Variants in PRICKLE2 observed in about 807,000 individuals in gnomAD.
PRICKLE2 encodes prickle-like protein 2.
A neutral mutation model predicts 81.4 loss-of-function variants in PRICKLE2; 21 were observed. That is an observed-to-expected ratio of 0.26 (90% CI 0.18 to 0.37). The LOEUF is 0.37. Ranked by LOEUF, PRICKLE2 falls within the 10% of genes least tolerant of loss-of-function variation. The pLI is 1.00. For missense variants in PRICKLE2, 940 were observed against 1,109.0 expected, an observed-to-expected ratio of 0.85 and a Z score of 2.16; for synonymous variants, 456 against 421.5, an observed-to-expected ratio of 1.08 and a Z score of -1.00.
chr3:64,163,459 G>A (rs1473718713), intron 2 of PRICKLE2: 8 of 382,592 alleles, frequency 2.1e-5, no homozygotes, highest in African/African-American at 1.7e-4. Flanking sequence ...CTGAGAGCTG[G>A]CTTTACCATT....
chr3:64,135,803 CTT>C (rs1373268174), intron 7 of PRICKLE2, among the ~76,000 whole-genome samples: 2 of 152,090 alleles, frequency 1.3e-5, no homozygotes, highest in African/African-American at 4.8e-5. Context: ...GAGAGTGAAA[CTT>C]ATTGGTGGAA....
At chr3:64,137,507 C>T (rs145620860) in intron 7 of PRICKLE2, among the ~76,000 whole-genome samples, 69 of 152,194 alleles carry the variant, frequency 4.5e-4, no homozygotes, top group East Asian at 2.7e-3. Flanking sequence ...ACTGCTCACG[C>T]CCAAGGAGGT....
rs1295084746 is a variant in PRICKLE2 at position 64,157,024 on chromosome 3, T to G, written c.600+138A>C. On this transcript the variant is annotated intron_variant, in intron 5 of 7. Coordinates refer to ENST00000638394, the MANE Select transcript of PRICKLE2 (RefSeq NM_198859.4). The stretch of plus-strand genomic sequence containing the variant: ...TCTAGAAACCAGGGATGGGTGGGGC[T>G]TCTCTCCCAAAAGGGTTAATGCAAG... 9 of 803,328 alleles carry G rather than the reference T, an allele frequency of 1.1e-5. No homozygotes were observed. The East Asian group carries it at 2.3e-4, about 21-fold the overall frequency. 49.8% of individuals were successfully genotyped at this position (803,328 alleles called of 1,614,324 possible).
chr3:64,212,160 G>A (rs1330209639), intron 1 of PRICKLE2, among the ~76,000 whole-genome samples: 1 of 152,172 alleles, frequency 6.6e-6, no homozygotes, highest in Admixed American at 6.5e-5. Flanking sequence ...CTGTATCCCT[G>A]TGCAAGGCTG....
chr3:64,249,855 AAT>A (rs1211480956), intron 2 of PRICKLE2, among the ~76,000 whole-genome samples: 1 of 152,156 alleles, frequency 6.6e-6, no homozygotes, highest in Admixed American at 6.5e-5. Flanking sequence ...CCTTGCACAC[AAT>A]ATGTTTTTTA....
Position 64,175,765 on chromosome 3 carries a change from CAT to C in PRICKLE2, c.145-12638_145-12637del, listed in dbSNP as rs1221522671. 1.1e-4 allele frequency among the ~76,000 whole-genome samples: 16 copies of C among 152,156 alleles called. 1 individual carries two copies. The highest frequency in any genetic ancestry group is 8.3e-4 in the South Asian group (4 of 4,820). On this transcript the variant is annotated intron_variant, in intron 2 of 7. Transcript: ENST00000638394. ...CAATATAAAATGTAATAAAAATAAACATATTTTAAAATAAAGTGACAAAAGAA... is the reference window on the plus strand; with the variant it reads ...CAATATAAAATGTAATAAAAATAAACATTTTAAAATAAAGTGACAAAAGAA...
intron 7 of PRICKLE2, among the ~76,000 whole-genome samples, chr3:64,112,639 A>C (rs2076868077): frequency 6.6e-6 from 1 of 152,188 alleles, no homozygotes; most frequent in South Asian, 2.1e-4. Flanking sequence ...TTGGGCTCTC[A>C]AAAAAAGTTA....
In PRICKLE2 at chr3:64,092,436, T is replaced by C. The variant is rs2076521468; in HGVS notation, c.*6615A>G. The C allele has an allele frequency of 6.6e-6, 1 of 152,240 alleles. No homozygotes were observed. The highest frequency in any genetic ancestry group is 2.4e-5 in the African/African-American group (1 of 41,468). The allele number at this position is 152,240 out of a possible 1,614,324, so 9.4% of individuals were successfully genotyped here. ...GGATTTTTGTTTGTTTTGCACATTA[T>C]TGTATTCCAAGCACCTAGAACGGTT... On this transcript the variant is annotated 3_prime_UTR_variant, in exon 8 of 8. Coordinates refer to ENST00000638394, the MANE Select transcript of PRICKLE2 (RefSeq NM_198859.4).
At chr3:64,226,278 C>T (rs574827085), upstream of PRICKLE2, among the ~76,000 whole-genome samples, 2 of 152,128 alleles carry the variant, frequency 1.3e-5, no homozygotes, top group African/African-American at 2.4e-5. Flanking sequence ...TTGTTGAATA[C>T]CTTTGGGGTC....
intron 5 of PRICKLE2, among the ~76,000 whole-genome samples, chr3:64,155,247 G>T (rs1190092214): frequency 1.4e-5 from 2 of 139,732 alleles, no homozygotes; most frequent in South Asian, 2.4e-4. Context: ...CTCTGAAAAA[G>T]AAGATACACA....
At chr3:64,262,974 T>C (rs1277773028) in intron 2 of PRICKLE2, among the ~76,000 whole-genome samples, 1 of 152,132 alleles carries the variant, frequency 6.6e-6, no homozygotes, top group East Asian at 1.9e-4. Context: ...GAGGTGAGGC[T>C]GAAAGGGGGT....
intron 2 of PRICKLE2, among the ~76,000 whole-genome samples, chr3:64,245,918 G>A (rs943883336): frequency 5.3e-5 from 8 of 152,116 alleles, no homozygotes; most frequent in Admixed American, 2.0e-4. Context: ...AATTCACTGA[G>A]ACTTTTCCTA....
chr3:64,144,973 A>C (rs910799136), intron 7 of PRICKLE2, among the ~76,000 whole-genome samples: 1 of 152,208 alleles, frequency 6.6e-6, no homozygotes, highest in Non-Finnish European at 1.5e-5. Context: ...GTTCTCAGCC[A>C]GTGTTATCCT....
intron 7 of PRICKLE2, among the ~76,000 whole-genome samples, chr3:64,118,915 C>A (rs931154935): frequency 1.3e-5 from 2 of 151,844 alleles, no homozygotes; most frequent in Non-Finnish European, 2.9e-5. Context: ...AAGAAAGATG[C>A]AGGTGTTTAT....
intron 2 of PRICKLE2, among the ~76,000 whole-genome samples, chr3:64,164,814 A>G (rs1268838362): frequency 6.6e-6 from 1 of 152,198 alleles, no homozygotes; most frequent in Non-Finnish European, 1.5e-5. Flanking sequence ...TCTGAGAAGA[A>G]GTAAAAGCCC....
intron 2 of PRICKLE2, among the ~76,000 whole-genome samples, chr3:64,196,925 G>GA (rs946291630): frequency 6.6e-6 from 1 of 152,224 alleles, no homozygotes; most frequent in East Asian, 1.9e-4. Context: ...ACTTTTACAT[G>GA]AAAAAATCTC....
At chr3:64,153,494 CA>C in intron 5 of PRICKLE2, 126 bp from the exon 6 acceptor site, 1 of 842,132 alleles carries the variant, frequency 1.2e-6, no homozygotes, top group Non-Finnish European at 1.9e-6. Context: ...AATAATTAAA[CA>C]AAAATCCATA....
chr3:64,095,663 T>A lies in PRICKLE2; in HGVS notation c.*3388A>T, dbSNP rs1398077797. 2 of 152,234 alleles carry A rather than the reference T, an allele frequency of 1.3e-5. No homozygotes were observed. The highest frequency in any genetic ancestry group is 2.4e-5 in the African/African-American group (1 of 41,454). The allele number at this position is 152,234 out of a possible 1,614,324, so 9.4% of individuals were successfully genotyped here. On this transcript the variant is annotated 3_prime_UTR_variant, in exon 8 of 8. Transcript: ENST00000638394. The stretch of plus-strand genomic sequence containing the variant: ...GGAAGAAAACATAATCTTGTTATAG[T>A]GCAGGAACATCCTACAGGAAATGAG...
chr3:64,135,694 TCACACACACA>T (rs9311884), intron 7 of PRICKLE2, among the ~76,000 whole-genome samples: 20,938 of 149,690 alleles, frequency 0.14, 1,598 homozygotes, highest in Admixed American at 0.2. Context: ...CGATCACAGA[TCACACACACA>T]CACACACACA....
Sources: gnomAD v4.1 joint callset for allele counts (sites outside exome capture counted in the v4.1 genomes callset) on GRCh38, gnomAD v4.1.1 for gene constraint, MANE v1.5 for transcripts, NCBI Gene and HGNC (gene_info 2026-07-23, HGNC 2026-07-21) for gene names.